AGBL1: variants seen among roughly 807,000 people sequenced by gnomAD.
AGBL1 encodes the protein AGBL carboxypeptidase 1.
In AGBL1, 130 loss-of-function variants were observed where a neutral mutation model predicts 118.9. That is an observed-to-expected ratio of 1.09 (90% confidence interval 0.95 to 1.26). The LOEUF is 1.26. AGBL1 is among the 50% of genes most tolerant of loss of function. The probability of loss-of-function intolerance (pLI) is 0.00; values close to 1 mark genes in which losing one functional copy is unlikely to be tolerated. For missense variants in AGBL1, 1,584 were observed against 1,298.1 expected, an observed-to-expected ratio of 1.22 and a Z score of -3.38; for synonymous variants, 555 against 478.9, an observed-to-expected ratio of 1.16 and a Z score of -2.08.
intron 18 of AGBL1, among the ~76,000 whole-genome samples, chr15:86,450,003 G>A (rs2082173306): frequency 6.6e-6 from 1 of 152,090 alleles, no homozygotes; most frequent in Non-Finnish European, 1.5e-5. Flanking sequence ...TGTGCCATCT[G>A]TTCACCTACC....
intron 5 of AGBL1, among the ~76,000 whole-genome samples, chr15:86,177,402 C>A (rs931100270): frequency 6.6e-6 from 1 of 152,090 alleles, no homozygotes; most frequent in African/African-American, 2.4e-5. Flanking sequence ...GAGAGAAAAT[C>A]AGTAAGAATA....
At chr15:86,467,569 C>T (rs943551050) in intron 18 of AGBL1, among the ~76,000 whole-genome samples, 2 of 152,158 alleles carry the variant, frequency 1.3e-5, no homozygotes, top group Admixed American at 6.5e-5. Context: ...ATGGCCTTGC[C>T]GTTTTGTTCT....
At chr15:86,587,855 A>C (rs975700229) in intron 21 of AGBL1, among the ~76,000 whole-genome samples, 3 of 152,182 alleles carry the variant, frequency 2.0e-5, no homozygotes, top group African/African-American at 7.2e-5. Flanking sequence ...AACCATTAGG[A>C]TCAAAATCAC....
At chr15:86,088,548 A>T (rs1895819095) in intron 1 of AGBL1, among the ~76,000 whole-genome samples, 1 of 152,224 alleles carries the variant, frequency 6.6e-6, no homozygotes, top group Middle Eastern at 3.2e-3. Flanking sequence ...TATTATGCAG[A>T]TAATGGTCTG....
chr15:86,394,117 C>T (rs1278080363), intron 17 of AGBL1, among the ~76,000 whole-genome samples: 1 of 152,122 alleles, frequency 6.6e-6, no homozygotes, highest in Non-Finnish European at 1.5e-5. Context: ...AAGACAAATC[C>T]ATTGCCCAGT....
intron 6 of AGBL1, among the ~76,000 whole-genome samples, chr15:86,238,720 A>G (rs940867657): frequency 1.4e-4 from 21 of 152,260 alleles, no homozygotes; most frequent in African/African-American, 4.8e-4. Flanking sequence ...GGATTGATAA[A>G]GTATGTGAGA....
chr15:86,151,472 T>C (rs1161830081), intron 3 of AGBL1, among the ~76,000 whole-genome samples: 4 of 151,762 alleles, frequency 2.6e-5, no homozygotes, highest in Non-Finnish European at 5.9e-5. Flanking sequence ...TCAACAAAAT[T>C]CAGCCCTTCA....
chr15:86,225,190 C>A (rs2078342821), intron 6 of AGBL1, among the ~76,000 whole-genome samples: 1 of 151,962 alleles, frequency 6.6e-6, no homozygotes, highest in South Asian at 2.1e-4. Context: ...TAAATATTAT[C>A]CATACACAAT....
intron 17 of AGBL1, among the ~76,000 whole-genome samples, chr15:86,316,160 A>G (rs1042284782): frequency 1.3e-5 from 2 of 152,220 alleles, no homozygotes; most frequent in African/African-American, 4.8e-5. Context: ...GATGCCTAAC[A>G]GGGTCCCATG....
intron 22 of AGBL1, among the ~76,000 whole-genome samples, chr15:86,698,838 ATTGTGAAGGTTGTAGG>A (rs1189826274): frequency 6.6e-6 from 1 of 151,996 alleles, no homozygotes; most frequent in Non-Finnish European, 1.5e-5. Context: ...TTGAAGGTAT[ATTGTGAAGGTTGTAGG>A]TTGTGAAGGT....
Position 86,264,333 on chromosome 15 carries a change from G to C in AGBL1, c.1162G>C (p.Ala388Pro), listed in dbSNP as rs370030898. 4 of 1,612,196 alleles carry C rather than the reference G, an allele frequency of 2.5e-6. No individual in the cohort carries two copies. Among genetic ancestry groups the C allele is most frequent in the Non-Finnish European group, 3.4e-6 (4 of 1,179,120 alleles). ...TGCCAATCACCACCACATTCCAGCC[G>C]CTGCCTCCTCAAAACAGCATTGCTA... The part of the protein sequence containing the change: ...QYANHHHIPA[A>P]ASSKQHCYSK... Residue 388 changes from alanine to proline, a missense_variant, in exon 11 of 23, where the codon GCT becomes CCT. Coordinates refer to ENST00000614907, the MANE Select transcript of AGBL1 (RefSeq NM_001386094.1).
At chr15:86,307,377 A>G (rs1567190714) in intron 17 of AGBL1, among the ~76,000 whole-genome samples, 1 of 152,212 alleles carries the variant, frequency 6.6e-6, no homozygotes, top group East Asian at 1.9e-4. Flanking sequence ...ATTATTGATC[A>G]TTTTACTAAA....
chr15:86,987,235 T>A (rs1377446881), intron 23 of AGBL1, among the ~76,000 whole-genome samples: 1 of 152,206 alleles, frequency 6.6e-6, no homozygotes, highest in African/African-American at 2.4e-5. Context: ...TATGATGGCT[T>A]AGCTTGGGCT....
intron 21 of AGBL1, among the ~76,000 whole-genome samples, chr15:86,642,387 A>G (rs1048769865): frequency 1.3e-5 from 2 of 152,164 alleles, no homozygotes; most frequent in Non-Finnish European, 2.9e-5. Flanking sequence ...TGGCTTTACA[A>G]TTAAGTGTTT....
intron 18 of AGBL1, among the ~76,000 whole-genome samples, chr15:86,434,088 G>A (rs773411961): frequency 7.2e-5 from 11 of 152,136 alleles, no homozygotes; most frequent in South Asian, 2.1e-4. Context: ...TGAAATATTC[G>A]ATCATTCACT....
At chr15:86,916,789 G>A (rs567682970), downstream of AGBL1, among the ~76,000 whole-genome samples, 7 of 152,226 alleles carry the variant, frequency 4.6e-5, no homozygotes, top group South Asian at 1.0e-3. Context: ...CAGCAGGCCC[G>A]GGGCTGGCCA....
chr15:86,112,031 G>A (rs1263543541), intron 1 of AGBL1, among the ~76,000 whole-genome samples: 3 of 152,138 alleles, frequency 2.0e-5, no homozygotes, highest in Admixed American at 6.5e-5. Context: ...GTTCCCCAAC[G>A]ACCCCAGATG....
At chr15:86,972,456 A>G (rs1353422518) in intron 23 of AGBL1, among the ~76,000 whole-genome samples, 2 of 152,062 alleles carry the variant, frequency 1.3e-5, no homozygotes, top group African/African-American at 2.4e-5. Context: ...AGATAAAGAT[A>G]TGTATTTCAA....
chr15:86,662,338 CATTT>C (rs568031345), intron 21 of AGBL1, among the ~76,000 whole-genome samples: 219 of 152,362 alleles, frequency 1.4e-3, no homozygotes, highest in African/African-American at 5.0e-3. Flanking sequence ...CTTTATATCT[CATTT>C]AATCTTTATA....
Sources: allele counts gnomAD v4.1 joint callset (sites outside exome capture counted in the v4.1 genomes callset), GRCh38; gene constraint gnomAD v4.1.1; transcripts MANE v1.5; gene names NCBI Gene and HGNC (gene_info 2026-07-23, HGNC 2026-07-21).